Variants in PDE3A observed in about 807,000 individuals in gnomAD.
PDE3A encodes phosphodiesterase 3A, also known as cGMP-inhibited 3',5'-cyclic phosphodiesterase 3A.
PDE3A carries 43 observed loss-of-function variants against 98.3 expected under a neutral mutation model. That is an observed-to-expected ratio of 0.44 (90% confidence interval 0.34 to 0.56). The LOEUF (loss-of-function observed/expected upper bound fraction) is 0.56, where lower values mean the gene tolerates loss of function less well. Among genes scored for constraint, PDE3A ranks in the 20% least tolerant of loss-of-function variants. The pLI, the probability that PDE3A is intolerant of heterozygous loss-of-function variation, is 0.01. For missense variants in PDE3A, 1,427 were observed against 1,440.7 expected (o/e 0.99, Z 0.15); for synonymous variants, 663 against 567.9 (o/e 1.17, Z -2.38).
intron 15 of PDE3A, 113 bp downstream of exon 15, chr12:20,654,318 C>T (rs543800950): frequency 1.3e-5 from 13 of 970,184 alleles, no homozygotes; most frequent in South Asian, 3.3e-5. Flanking sequence ...ACATCATTTG[C>T]GGAGTTTGAC....
Position 20,484,011 on chromosome 12 carries a change from T to C in PDE3A, c.961-72649T>C, listed in dbSNP as rs531930752. ...TTTACTCCTCCCATATCCAACTGACTCATAGCTTAGTGAACAGTTTTTTGT... is the reference window on the plus strand; with the variant it reads ...TTTACTCCTCCCATATCCAACTGACCCATAGCTTAGTGAACAGTTTTTTGT... On this transcript the variant is annotated intron_variant, in intron 1 of 15. Coordinates refer to ENST00000359062, the MANE Select transcript of PDE3A (RefSeq NM_000921.5). Among the ~76,000 whole-genome samples, 14 of 152,338 alleles carry C rather than the reference T, an allele frequency of 9.2e-5. 1 individual carries two copies. The highest frequency in any genetic ancestry group is 3.4e-4 in the African/African-American group (14 of 41,588).
chr12:20,415,688 C>T (rs183438055), intron 1 of PDE3A, among the ~76,000 whole-genome samples: 6 of 152,276 alleles, frequency 3.9e-5, no homozygotes, highest in East Asian at 1.9e-4. Flanking sequence ...CTGCCCGCCT[C>T]GGCCTCCCAG....
chr12:20,423,377 C>T (rs1443450423), intron 1 of PDE3A, among the ~76,000 whole-genome samples: 2 of 152,286 alleles, frequency 1.3e-5, no homozygotes, highest in African/African-American at 4.8e-5. Context: ...CATATGTGCT[C>T]ATATCTGTTT....
chr12:20,422,113 G>A (rs10770657), intron 1 of PDE3A, among the ~76,000 whole-genome samples: 48,955 of 152,080 alleles, frequency 0.32, 8,070 homozygotes, highest in African/African-American at 0.39. Context: ...TTGGGAGGCC[G>A]AGGTGGGCGG....
chr12:20,539,549 C>T (rs1256758884), intron 1 of PDE3A, among the ~76,000 whole-genome samples: 1 of 152,136 alleles, frequency 6.6e-6, no homozygotes, highest in East Asian at 1.9e-4. Context: ...GAGGGTAAGA[C>T]TGGCCACTTT....
chr12:20,453,076 T>G (rs1027239354), intron 1 of PDE3A, among the ~76,000 whole-genome samples: 1 of 152,186 alleles, frequency 6.6e-6, no homozygotes, highest in Non-Finnish European at 1.5e-5. Context: ...GTTTTGAATC[T>G]GTAGGTGCAA....
chr12:20,404,705 C>A (rs981846098), intron 1 of PDE3A, among the ~76,000 whole-genome samples: 5 of 152,078 alleles, frequency 3.3e-5, no homozygotes, highest in African/African-American at 1.2e-4. Flanking sequence ...AACTCTTTGA[C>A]CTCAGACCAC....
chr12:20,685,636 C>T lies in PDE3A; in HGVS notation c.*5365C>T, dbSNP rs936978934. ...TATGTTTAAGTCTCTAAAAGGAATCCACATTTTCTTTCCAGATACAGCTAG... is the reference window on the plus strand; with the variant it reads ...TATGTTTAAGTCTCTAAAAGGAATCTACATTTTCTTTCCAGATACAGCTAG... On this transcript the variant is annotated 3_prime_UTR_variant, in exon 16 of 16. Coordinates refer to ENST00000359062, the MANE Select transcript of PDE3A (RefSeq NM_000921.5). 3.9e-5 allele frequency among the ~76,000 whole-genome samples: 6 copies of T among 151,998 alleles called. No homozygotes were observed. Among genetic ancestry groups the T allele is most frequent in the African/African-American group, 1.4e-4 (6 of 41,420 alleles).
chr12:20,482,581 A>G (rs934584395), intron 1 of PDE3A, among the ~76,000 whole-genome samples: 25 of 152,344 alleles, frequency 1.6e-4, no homozygotes, highest in Middle Eastern at 3.4e-3. Context: ...TTTTTTCTCA[A>G]TGGACAAAAT....
chr12:20,515,864 CT>C (rs1346081901), intron 1 of PDE3A, among the ~76,000 whole-genome samples: 46 of 149,612 alleles, frequency 3.1e-4, no homozygotes, highest in African/African-American at 1.1e-3. Flanking sequence ...TCCCAAGTAG[CT>C]GGGACTACAG....
At chr12:20,571,626 TAG>T (rs1359831765) in intron 2 of PDE3A, among the ~76,000 whole-genome samples, 1 of 152,152 alleles carries the variant, frequency 6.6e-6, no homozygotes, top group Non-Finnish European at 1.5e-5. Flanking sequence ...CTGTCTAAAG[TAG>T]ATCAAATATC....
intron 3 of PDE3A, among the ~76,000 whole-genome samples, chr12:20,615,016 C>CTTTTTTTTTTTTTT (rs11313010): frequency 3.4e-5 from 2 of 59,130 alleles, no homozygotes; most frequent in African/African-American, 1.2e-4. Context: ...TTCTCTCTTT[C>CTTTTTTTTTTTTTT]TTTTTTTTTT....
intron 1 of PDE3A, among the ~76,000 whole-genome samples, chr12:20,401,969 A>G (rs1231265077): frequency 1.3e-5 from 2 of 152,190 alleles, no homozygotes; most frequent in Non-Finnish European, 2.9e-5. Flanking sequence ...ATTAAATCTG[A>G]TAACAATAGT....
At position 20,552,267 on chromosome 12, in the gene PDE3A, G is replaced by GT. The variant is rs1942231957; in HGVS notation, c.961-4392dup. On this transcript the variant is annotated intron_variant, in intron 1 of 15. Coordinates refer to ENST00000359062, the MANE Select transcript of PDE3A (RefSeq NM_000921.5). The surrounding 1 kb of genome is among the most constrained non-coding windows in gnomAD (Gnocchi z 5.1). ...ATGTCAAGGGTGGCAAGAATAGCAA[G>GT]TACGCCCCCGCTGAGGGCAACCGCT... 2 of 1,613,848 alleles carry GT rather than the reference G, an allele frequency of 1.2e-6. No homozygotes were observed. Among genetic ancestry groups the GT allele is most frequent in the African/African-American group, 2.7e-5 (2 of 74,932 alleles).
At chr12:20,543,436 AG>A (rs1941974147) in intron 1 of PDE3A, among the ~76,000 whole-genome samples, 1 of 152,028 alleles carries the variant, frequency 6.6e-6, no homozygotes, top group Admixed American at 6.6e-5. Flanking sequence ...CTGGCCCCAA[AG>A]AGTAGCCTTT....
At chr12:20,508,079 A>G (rs1006340360) in intron 1 of PDE3A, among the ~76,000 whole-genome samples, 8 of 151,600 alleles carry the variant, frequency 5.3e-5, no homozygotes, top group African/African-American at 1.9e-4. Flanking sequence ...CTTTCTCCTC[A>G]CTTACTCCAA....
At chr12:20,501,904 CTGATA>C (rs987560725) in intron 1 of PDE3A, among the ~76,000 whole-genome samples, 2 of 152,056 alleles carry the variant, frequency 1.3e-5, no homozygotes, top group African/African-American at 4.8e-5. Flanking sequence ...GCAGTGCATC[CTGATA>C]TGATATTAAA....
intron 6 of PDE3A, among the ~76,000 whole-genome samples, chr12:20,630,576 A>T (rs1486411499): frequency 6.6e-6 from 1 of 152,206 alleles, no homozygotes; most frequent in Non-Finnish European, 1.5e-5. Context: ...TGAATAATAC[A>T]TTGCACAGGA....
At chr12:20,437,104 G>T (rs1409551342) in intron 1 of PDE3A, among the ~76,000 whole-genome samples, 1 of 151,738 alleles carries the variant, frequency 6.6e-6, no homozygotes, top group Non-Finnish European at 1.5e-5. Context: ...ATTCCTTTGA[G>T]TATTGACTAC....
Sources: allele counts gnomAD v4.1 joint callset (sites outside exome capture counted in the v4.1 genomes callset), GRCh38; gene constraint gnomAD v4.1.1; non-coding constraint Gnocchi (gnomAD v3.1); transcripts MANE v1.5; gene names NCBI Gene and HGNC (gene_info 2026-07-23, HGNC 2026-07-21).